Variants in COL1A1 observed in about 807,000 individuals in gnomAD.
The protein encoded by COL1A1 is collagen alpha-1(I) chain.
COL1A1 carries 21 observed loss-of-function variants against 195.7 expected under a neutral mutation model. The observed-to-expected ratio is 0.11, with a 90% CI of 0.08 to 0.15. COL1A1 has a LOEUF of 0.15. Ranked by LOEUF, COL1A1 falls within the 10% of genes least tolerant of loss-of-function variation. The probability of loss-of-function intolerance (pLI) is 1.00; values close to 1 mark genes in which losing one functional copy is unlikely to be tolerated. For synonymous variants in COL1A1, 749 were observed against 747.3 expected (o/e 1.00, Z -0.04); for missense variants, 1,365 against 2,051.0 (o/e 0.67, Z 6.46).
chr17:50,198,808 C>T, intron 5 of COL1A1: 1 of 464,260 alleles, frequency 2.2e-6, no homozygotes, highest in Non-Finnish European at 4.0e-6. Flanking sequence ...AAACGCAATA[C>T]ATAATCCTGG....
chr17:50,188,607 G>A lies in COL1A1; in HGVS notation c.3130C>T (p.Pro1044Ser), dbSNP rs558106162. The change falls in exon 43 of 51, where the codon CCC (proline) becomes TCC (serine). Residue 1044 changes from proline to serine, a missense_variant. Pro to Ser is a moderately conservative substitution (Grantham distance 74, BLOSUM62 -1). Transcript: ENST00000225964. This position sits in a 1 kb window ranked among gnomAD's most constrained non-coding sequence, Gnocchi z 5.6. ...GDRGETGPAG[P>S]PGAPGAPGAP... ...CCAGGAGCACCAGGAGCACCAGGGG[G>A]TCCAGCGGGGCCGGTCTCACCACGG... 5 of 1,613,978 alleles carry A rather than the reference G, an allele frequency of 3.1e-6. No homozygotes were observed. In the South Asian group the frequency reaches 5.5e-5, roughly 18 times the overall value.
In COL1A1 at chr17:50,198,176, G is replaced by T; in HGVS notation, c.573C>A (p.Gly191=). 1 of 1,614,128 alleles carries T rather than the reference G, an allele frequency of 6.2e-7. No individual in the cohort carries two copies. The highest frequency in any genetic ancestry group is 1.1e-5 in the South Asian group (1 of 91,082). ...MGPSGPRGLP[G]PPGAPGPQGF... ...GGATACTCACAGGTGCACCAGGGGG[G>T]CCAGGGAGACCACGAGGACCAGAGG... The change falls in exon 7 of 51, where the codon GGC becomes GGA. Residue 191 remains glycine, a synonymous_variant. Coordinates refer to ENST00000225964, the MANE Select transcript of COL1A1 (RefSeq NM_000088.4).
Position 50,192,477 on chromosome 17 carries a change from G to T in COL1A1, c.1981C>A (p.Gln661Lys). Residue 661 changes from glutamine (Q) to lysine (K), a missense_variant and splice_region_variant, in exon 29 of 51, where the codon CAG becomes AAG. Physicochemically the swap from Gln to Lys is moderately conservative, Grantham distance 53. Coordinates refer to ENST00000225964, the MANE Select transcript of COL1A1 (RefSeq NM_000088.4). The part of the protein sequence containing the change: ...PPGEAGKPGE[Q>K]GVPGDLGAPG... The stretch of plus-strand genomic sequence containing the variant: ...TCTGGCCGGCTGCTCCCTCTTACCT[G>T]TTCACCAGGTTTGCCTGCTTCACCT... 3.7e-6 allele frequency: 6 copies of T among 1,611,014 alleles called. No individual in the cohort carries two copies. The highest frequency in any genetic ancestry group is 5.1e-6 in the Non-Finnish European group (6 of 1,178,386).
intron 1 of COL1A1, among the ~76,000 whole-genome samples, chr17:50,200,998 C>G (rs74790737): frequency 0.054 from 8,152 of 152,330 alleles, 617 homozygotes; most frequent in African/African-American, 0.17. Context: ...CCCAGCAACA[C>G]TCTAGCCCGC....
chr17:50,196,828 C>T lies in COL1A1; in HGVS notation c.805-158G>A, dbSNP rs556922773. 2.6e-5 allele frequency among the ~76,000 whole-genome samples: 4 copies of T among 152,312 alleles called. No homozygotes were observed. The East Asian group carries it at 5.8e-4, about 22-fold the overall frequency. ...CAACTGGCTCTAGATCTCACCCAAT[C>T]GTTTAATCGGGACTGCTTTCCCATG... On this transcript the variant is annotated intron_variant, in intron 11 of 50. Coordinates refer to ENST00000225964, the MANE Select transcript of COL1A1 (RefSeq NM_000088.4).
At chr17:50,199,352 G>GGGT (rs1193829629) in intron 4 of COL1A1, 25 bp from the exon 5 acceptor site, 1 of 1,595,962 alleles carries the variant, frequency 6.3e-7, no homozygotes, top group Admixed American at 1.7e-5. Flanking sequence ...GGCGGGGCCG[G>GGGT]GGTGAGCGTG....
Position 50,189,751 on chromosome 17 carries a change from G to C in COL1A1, c.2614-19C>G. 1 of 1,614,028 alleles carries C rather than the reference G, an allele frequency of 6.2e-7. No individual in the cohort carries two copies. Among genetic ancestry groups the C allele is most frequent in the Non-Finnish European group, 8.5e-7 (1 of 1,179,964 alleles). Reference sequence around the variant, plus strand: ...TAGCACCCTGGAAGGAGAGAACATAGGAACAGTCAGAGGGAGAACAGCCAA... The same window carrying C: ...TAGCACCCTGGAAGGAGAGAACATACGAACAGTCAGAGGGAGAACAGCCAA... On this transcript the variant is annotated intron_variant, in intron 37 of 50. Transcript: ENST00000225964. This position sits in a 1 kb window ranked among gnomAD's most constrained non-coding sequence, Gnocchi z 5.5.
chr17:50,187,613 A>C, intron 45 of COL1A1, 76 bp from the exon 46 acceptor site: 1 of 1,532,302 alleles, frequency 6.5e-7, no homozygotes, highest in Non-Finnish European at 9.0e-7. Context: ...TGGAGAGACA[A>C]GGGCAGTGTG....
In COL1A1 at chr17:50,189,480, G is replaced by T; in HGVS notation, c.2726C>A (p.Pro909His). Residue 909 changes from proline to histidine, a missense_variant, in exon 39 of 51, where the codon CCC (proline) becomes CAC (histidine). Physicochemically the swap from Pro to His is moderately conservative, Grantham distance 77. This residue lies in a region of COL1A1 where 671 missense variants were observed against 1,099.9 expected (regional missense o/e 0.61). Coordinates refer to ENST00000225964, the MANE Select transcript of COL1A1 (RefSeq NM_000088.4). The surrounding 1 kb of genome is among the most constrained non-coding windows in gnomAD (Gnocchi z 5.5). ...TCCAGCAGGGCCAGTCTCACCACGGGGACCTTTGCCGCCTTCTTTGCCAGC... is the reference window on the plus strand; with the variant it reads ...TCCAGCAGGGCCAGTCTCACCACGGTGACCTTTGCCGCCTTCTTTGCCAGC... The part of the protein sequence containing the change: ...GPAGKEGGKG[P>H]RGETGPAGRP... 6.2e-7 allele frequency: 1 copy of T among 1,613,558 alleles called. No individual in the cohort carries two copies. Among genetic ancestry groups the T allele is most frequent in the South Asian group, 1.1e-5 (1 of 91,060 alleles).
At position 50,196,185 on chromosome 17, in the gene COL1A1, A is replaced by T. The variant is rs565335839; in HGVS notation, c.972T>A (p.Asn324Lys). The T allele has an allele frequency of 6.2e-7, 1 of 1,613,978 alleles. No individual in the cohort carries two copies. Among genetic ancestry groups the T allele is most frequent in the Non-Finnish European group, 8.5e-7 (1 of 1,179,952 alleles). Residue 324 changes from asparagine (N) to lysine (K), a missense_variant, in exon 15 of 51, where the codon AAT (asparagine) becomes AAA (lysine). This residue lies in a region of COL1A1 where 226 missense variants were observed against 372.9 expected (regional missense o/e 0.61). Coordinates refer to ENST00000225964, the MANE Select transcript of COL1A1 (RefSeq NM_000088.4). ...GAPGPAGARG[N>K]DGATGAAGPP... is the part of the protein sequence containing the mutation. ...GCCCGGCAGCACCAGTAGCACCATC[A>T]TTTCCACGAGCACCCTGCAGGAGAG...
At position 50,188,293 on chromosome 17, in the gene COL1A1, C is replaced by T; in HGVS notation, c.3208-144G>A. 1.1e-6 allele frequency: 1 copy of T among 926,998 alleles called. No individual in the cohort carries two copies. The highest frequency in any genetic ancestry group is 1.7e-5 in the South Asian group (1 of 58,120). 57.4% of individuals were successfully genotyped at this position (926,998 alleles called of 1,614,324 possible). A position where few individuals can be genotyped will look rare whatever the true frequency, so the allele number is the denominator to read the frequency against. ...CTCTCCCAACTCCCAGGGAAACCTC[C>T]CCACTGCAATCTTCACGGGAGCTGG... On this transcript the variant is annotated intron_variant, in intron 43 of 50. Coordinates refer to ENST00000225964, the MANE Select transcript of COL1A1 (RefSeq NM_000088.4). This position sits in a 1 kb window ranked among gnomAD's most constrained non-coding sequence, Gnocchi z 5.6.
chr17:50,184,521 C>G lies in COL1A1; in HGVS notation c.*981G>C, dbSNP rs574167621. ...AAAAATATCAAGGAATAAAAATAGA[C>G]TTTGAACAAAAAGGAACATTTGCTG... On this transcript the variant is annotated 3_prime_UTR_variant, in exon 51 of 51. Transcript: ENST00000225964. 138 of 222,600 alleles carry G rather than the reference C, an allele frequency of 6.2e-4. 1 individual carries two copies. The highest frequency in any genetic ancestry group is 1.9e-4 in the Non-Finnish European group (21 of 111,786). The allele number at this position is 222,600 out of a possible 1,614,324, so 13.8% of individuals were successfully genotyped here.
chr17:50,188,169 C>CA lies in COL1A1; in HGVS notation c.3208-21dup, dbSNP rs1906727466. On this transcript the variant is annotated intron_variant, in intron 43 of 50. Transcript: ENST00000225964. The surrounding 1 kb of genome is among the most constrained non-coding windows in gnomAD (Gnocchi z 5.6). ...AGGACCCTGGGGAGAGCAAGGAAAG[C>CA]ATGAGCTCTTGGCCAGGGAAGGCTG... 1 of 1,543,118 alleles carries CA rather than the reference C, an allele frequency of 6.5e-7. No homozygotes were observed. The highest frequency in any genetic ancestry group is 8.8e-7 in the Non-Finnish European group (1 of 1,141,626).
In COL1A1 at chr17:50,188,036, TG is replaced by T; in HGVS notation, c.3262-54del. On this transcript the variant is annotated intron_variant, in intron 44 of 50. Coordinates refer to ENST00000225964, the MANE Select transcript of COL1A1 (RefSeq NM_000088.4). This position sits in a 1 kb window ranked among gnomAD's most constrained non-coding sequence, Gnocchi z 5.6. ...AGGCGGAAGTTCCATTGGCATCGAG[TG>T]GGGCACTGTCTGCATCTGTAGAGTT... The T allele has an allele frequency of 6.2e-7, 1 of 1,613,436 alleles. No individual in the cohort carries two copies. The highest frequency in any genetic ancestry group is 8.5e-7 in the Non-Finnish European group (1 of 1,179,536).
In COL1A1 at chr17:50,186,883, G is replaced by C. The variant is rs142570406; in HGVS notation, c.3571C>G (p.Pro1191Ala). The change falls in exon 48 of 51, where the codon CCT becomes GCT. Residue 1191 changes from proline to alanine, a missense_variant. Pro to Ala is a conservative substitution (Grantham distance 27). Transcript: ENST00000225964. This position sits in a 1 kb window ranked among gnomAD's most constrained non-coding sequence, Gnocchi z 5.3. ...GPPGPPGPPG[P>A]PSAGFDFSFL... ...CTGAAGTCGAAACCAGCGCTGGGAG[G>C]ACCAGGGGGACCAGGAGGTCCAGGA... The C allele has an allele frequency of 9.7e-5, 156 of 1,613,978 alleles. 1 individual carries two copies. The African/African-American group carries it at 1.7e-3, about 18-fold the overall frequency.
intron 45 of COL1A1, 99 bp from the exon 46 acceptor site, chr17:50,187,636 C>T: frequency 2.3e-6 from 3 of 1,310,138 alleles, no homozygotes; most frequent in Non-Finnish European, 3.3e-6. Context: ...CAACCCATGC[C>T]CCTTCATTAT....
Position 50,192,839 on chromosome 17 carries a change from G to T in COL1A1, c.1833C>A (p.Gly611=). ...PGPPGAVGPA[G]KDGEAGAQGP... ...CCTGAGCTCCAGCCTCTCCATCTTTGCCAGCAGGACCCTGCAGGGAGAGAG... is the reference window on the plus strand; with the variant it reads ...CCTGAGCTCCAGCCTCTCCATCTTTTCCAGCAGGACCCTGCAGGGAGAGAG... Residue 611 remains glycine, a synonymous_variant, in exon 27 of 51, where the codon GGC becomes GGA. Transcript: ENST00000225964. 6.2e-7 allele frequency: 1 copy of T among 1,614,038 alleles called. No homozygotes were observed. Among genetic ancestry groups the T allele is most frequent in the South Asian group, 1.1e-5 (1 of 91,074 alleles).
At position 50,190,118 on chromosome 17, in the gene COL1A1, G is replaced by A. The variant is rs932881610; in HGVS notation, c.2452-10C>T. On this transcript the variant is annotated splice_polypyrimidine_tract_variant and intron_variant, in intron 35 of 50. Coordinates refer to ENST00000225964, the MANE Select transcript of COL1A1 (RefSeq NM_000088.4). The surrounding 1 kb of genome is among the most constrained non-coding windows in gnomAD (Gnocchi z 4.7). Reference sequence around the variant, plus strand: ...GTTGGCCGTCAGCACCCTGGGGGAGGAAGCAGGGCGGTGAATGGAGGGAAG... The same window carrying A: ...GTTGGCCGTCAGCACCCTGGGGGAGAAAGCAGGGCGGTGAATGGAGGGAAG... 1.9e-6 allele frequency: 3 copies of A among 1,611,496 alleles called. No individual in the cohort carries two copies. Among genetic ancestry groups the A allele is most frequent in the Non-Finnish European group, 2.5e-6 (3 of 1,177,854 alleles).
intron 45 of COL1A1, 105 bp from the exon 46 acceptor site, chr17:50,187,642 A>G: frequency 7.9e-7 from 1 of 1,261,830 alleles, no homozygotes; most frequent in Admixed American, 1.8e-5. Context: ...ATGCCCCTTC[A>G]TTATTCTGGA....
Sources: gnomAD v4.1 joint callset for allele counts (sites outside exome capture counted in the v4.1 genomes callset) on GRCh38, gnomAD v4.1.1 for gene constraint, gnomAD v4.1.1 regional missense constraint, Gnocchi (gnomAD v3.1) non-coding constraint, MANE v1.5 for transcripts, NCBI Gene and HGNC (gene_info 2026-07-23, HGNC 2026-07-21) for gene names.